Variants in CGNL1 observed in about 807,000 individuals in gnomAD.
CGNL1 encodes cingulin like 1.
In CGNL1, 132 loss-of-function variants were observed where a neutral mutation model predicts 141.2. That is an observed-to-expected ratio of 0.93 (90% confidence interval 0.81 to 1.08). CGNL1 has a LOEUF of 1.08. CGNL1 is among the 50% of genes least tolerant of loss of function. The pLI, the probability that CGNL1 is intolerant of heterozygous loss-of-function variation, is 0.00. For missense variants in CGNL1, 1,870 were observed against 1,588.6 expected, an observed-to-expected ratio of 1.18 and a Z score of -3.01; for synonymous variants, 690 against 622.1, an observed-to-expected ratio of 1.11 and a Z score of -1.63.
chr15:57,520,382 T>G (rs1280361), intron 10 of CGNL1, among the ~76,000 whole-genome samples: 129 of 152,370 alleles, frequency 8.5e-4, no homozygotes, highest in African/African-American at 3.0e-3. Context: ...ACTGGTGTTT[T>G]TCTCAGTCTT....
intron 12 of CGNL1, among the ~76,000 whole-genome samples, chr15:57,526,493 A>G (rs1432662544): frequency 6.6e-6 from 1 of 152,036 alleles, no homozygotes. Context: ...AAAAAACCCC[A>G]AAAGCTACAG....
In CGNL1 at chr15:57,398,013, C is replaced by A. The variant is rs181407993; in HGVS notation, c.-16+21446C>A. Reference sequence around the variant, plus strand: ...GGTCAGGCTGGTCTTGAACTCCTGACCTCGAGATGCGCCTGCCTCAGCTTC... The same window carrying A: ...GGTCAGGCTGGTCTTGAACTCCTGAACTCGAGATGCGCCTGCCTCAGCTTC... On this transcript the variant is annotated intron_variant, in intron 1 of 18. Transcript: ENST00000281282. 2.9e-3 allele frequency among the ~76,000 whole-genome samples: 448 copies of A among 152,264 alleles called. 1 individual carries two copies. Among genetic ancestry groups the A allele is most frequent in the Admixed American group, 7.7e-3 (118 of 15,284 alleles).
chr15:57,523,671 A>C (rs2031421229), intron 11 of CGNL1, 30 bp downstream of exon 11: 1 of 1,611,524 alleles, frequency 6.2e-7, no homozygotes, highest in African/African-American at 1.3e-5. Flanking sequence ...AAGAGGAAGT[A>C]GGGCCAGATG....
intron 8 of CGNL1, among the ~76,000 whole-genome samples, chr15:57,474,536 GAA>G (rs2063626723): frequency 6.6e-6 from 1 of 152,160 alleles, no homozygotes; most frequent in Non-Finnish European, 1.5e-5. Flanking sequence ...CTGTATGAGT[GAA>G]TCAGAATGTG....
intron 1 of CGNL1, among the ~76,000 whole-genome samples, chr15:57,424,149 C>G (rs1439718352): frequency 1.3e-5 from 2 of 152,232 alleles, no homozygotes; most frequent in African/African-American, 4.8e-5. Flanking sequence ...CCACTGGGCT[C>G]TGGCCAAGTC....
At position 57,471,653 on chromosome 15, in the gene CGNL1, C is replaced by T. The variant is rs115251147; in HGVS notation, c.2403+9761C>T. ...CCTTCTGGGGGGGCCTCCTGCTCACCGATGGAGTGAGGAGGGCCCTTGCCT... is the reference window on the plus strand; with the variant it reads ...CCTTCTGGGGGGGCCTCCTGCTCACTGATGGAGTGAGGAGGGCCCTTGCCT... On this transcript the variant is annotated intron_variant, in intron 8 of 18. Transcript: ENST00000281282. 2.7e-3 allele frequency among the ~76,000 whole-genome samples: 408 copies of T among 152,246 alleles called. 2 individuals carry two copies. Among genetic ancestry groups the T allele is most frequent in the African/African-American group, 8.9e-3 (370 of 41,532 alleles).
chr15:57,454,054 G>T (rs2063351968), intron 7 of CGNL1, among the ~76,000 whole-genome samples: 1 of 152,126 alleles, frequency 6.6e-6, no homozygotes, highest in Admixed American at 6.6e-5. Flanking sequence ...TCTTGTTGAG[G>T]TATTAGATTC....
At chr15:57,539,412 C>A (rs189874231) in intron 14 of CGNL1, among the ~76,000 whole-genome samples, 1 of 152,234 alleles carries the variant, frequency 6.6e-6, no homozygotes, top group East Asian at 1.9e-4. Context: ...CTGTGACACT[C>A]CCTTCTCGAT....
At chr15:57,534,201 C>G (rs1360010067) in intron 14 of CGNL1, among the ~76,000 whole-genome samples, 1 of 152,208 alleles carries the variant, frequency 6.6e-6, no homozygotes, top group East Asian at 1.9e-4. Flanking sequence ...TGTCTATAAC[C>G]TCTTTCCCTA....
At chr15:57,529,601 C>G (rs904084781) in intron 13 of CGNL1, among the ~76,000 whole-genome samples, 2 of 149,570 alleles carry the variant, frequency 1.3e-5, no homozygotes, top group Non-Finnish European at 3.0e-5. Context: ...CACACACACA[C>G]ACACACACGC....
intron 8 of CGNL1, among the ~76,000 whole-genome samples, chr15:57,492,494 A>T (rs34151560): frequency 0.075 from 11,356 of 152,280 alleles, 603 homozygotes; most frequent in Non-Finnish European, 0.1. Flanking sequence ...TTACAAAAGC[A>T]CATAGAGTAA....
chr15:57,489,614 T>C (rs1391053684), intron 8 of CGNL1, among the ~76,000 whole-genome samples: 1 of 152,234 alleles, frequency 6.6e-6, no homozygotes, highest in African/African-American at 2.4e-5. Flanking sequence ...GAGTCTATTT[T>C]ATTCTTTTGC....
chr15:57,443,571 C>G (rs1472241755), intron 4 of CGNL1, among the ~76,000 whole-genome samples: 1 of 152,166 alleles, frequency 6.6e-6, no homozygotes, highest in African/African-American at 2.4e-5. Context: ...ACTTGTTATT[C>G]CCCCAGCACT....
chr15:57,451,598 C>T lies in CGNL1; in HGVS notation c.1902C>T (p.Val634=). ...TTCAGAGACAGCTTCAACTGGAAGT[C>T]AAGGTATCTGGTTTTTCCTTTATGT... ...AELQRQLQLE[V]KNQQNIKEER... Residue 634 remains valine (V), a synonymous_variant, in exon 5 of 19, where the codon GTC becomes GTT. Coordinates refer to ENST00000281282, the MANE Select transcript of CGNL1 (RefSeq NM_032866.5). 1.2e-6 allele frequency: 2 copies of T among 1,600,850 alleles called. No homozygotes were observed. Among genetic ancestry groups the T allele is most frequent in the Non-Finnish European group, 1.7e-6 (2 of 1,170,168 alleles).
intron 1 of CGNL1, among the ~76,000 whole-genome samples, chr15:57,377,382 A>G (rs2062376413): frequency 1.3e-5 from 2 of 151,912 alleles, no homozygotes. Flanking sequence ...CCTGTGTCCC[A>G]CTCCCAGAGA....
At chr15:57,523,895 G>A (rs981217322) in intron 11 of CGNL1, among the ~76,000 whole-genome samples, 2 of 152,238 alleles carry the variant, frequency 1.3e-5, no homozygotes, top group African/African-American at 4.8e-5. Context: ...GAAGAAGGCT[G>A]TGTGTCAGTG....
At chr15:57,497,966 T>C (rs1272977427) in intron 8 of CGNL1, among the ~76,000 whole-genome samples, 1 of 152,170 alleles carries the variant, frequency 6.6e-6, no homozygotes, top group Admixed American at 6.5e-5. Context: ...GAGGTGGGGA[T>C]GGTCTAGATG....
intron 8 of CGNL1, among the ~76,000 whole-genome samples, chr15:57,470,352 G>A (rs1416040873): frequency 1.4e-5 from 2 of 140,286 alleles, no homozygotes; most frequent in Non-Finnish European, 3.0e-5. Flanking sequence ...TAAATAAGAG[G>A]TCTAGAGTGG....
At chr15:57,502,560 T>C (rs1274304895) in intron 8 of CGNL1, among the ~76,000 whole-genome samples, 1 of 152,082 alleles carries the variant, frequency 6.6e-6, no homozygotes, top group East Asian at 1.9e-4. Flanking sequence ...TCTGGAGAAA[T>C]GGAAACTTTG....
Sources: allele counts gnomAD v4.1 joint callset (sites outside exome capture counted in the v4.1 genomes callset), GRCh38; gene constraint gnomAD v4.1.1; transcripts MANE v1.5; gene names NCBI Gene and HGNC (gene_info 2026-07-23, HGNC 2026-07-21).